The following STMP1 variants were observed in gnomAD, a reference collection of about 807,000 sequenced individuals.
STMP1 encodes the protein mitolamban.
A neutral mutation model predicts 7.0 loss-of-function variants in STMP1; 7 were observed. The ratio of observed to expected loss-of-function variants is 1.01; its 90% CI spans 0.57 to 1.89. The LOEUF (loss-of-function observed/expected upper bound fraction) is 1.89. STMP1 is among the 40% of genes most tolerant of loss of function. STMP1 has a pLI of 0.00. For missense variants in STMP1, 45 were observed against 53.0 expected, an observed-to-expected ratio of 0.85 and a Z score of 0.47; for synonymous variants, 19 against 18.4, an observed-to-expected ratio of 1.03 and a Z score of -0.08.
At chr7:135,665,234 GTTGTCATTACACA>G (rs1261573001) in intron 1 of STMP1, among the ~76,000 whole-genome samples, 1 of 152,144 alleles carries the variant, frequency 6.6e-6, no homozygotes, top group African/African-American at 2.4e-5. Flanking sequence ...TAAGCAGTGC[GTTGTCATTACACA>G]TTTTGGAACC....
chr7:135,672,376 C>A (rs1027054346), intron 1 of STMP1, among the ~76,000 whole-genome samples: 12 of 152,320 alleles, frequency 7.9e-5, no homozygotes, highest in African/African-American at 2.6e-4. Context: ...CAGCATGCAA[C>A]AAGAAAAATC....
intron 1 of STMP1, among the ~76,000 whole-genome samples, chr7:135,671,844 C>T (rs1323506499): frequency 6.6e-6 from 1 of 152,168 alleles, no homozygotes; most frequent in Admixed American, 6.5e-5. Context: ...GTAGATTGTC[C>T]TGTCCTCCTT....
chr7:135,673,166 C>A, intron 2 of STMP1: 1 of 255,078 alleles, frequency 3.9e-6, no homozygotes, highest in South Asian at 6.2e-5. Context: ...GCCCCACTAT[C>A]CAGTAGTAGA....
In STMP1 at chr7:135,672,778, T is replaced by C; in HGVS notation, c.41T>C (p.Val14Ala). ...CTTGGATTTACACTGGGCAACGTGG[T>C]TGGAATGTATCTGGCTCAGAACTAT... The part of the protein sequence containing the change: ...FLLGFTLGNV[V>A]GMYLAQNYDI... The change falls in exon 2 of 3, where the codon GTT (valine) becomes GCT (alanine). Residue 14 changes from valine to alanine, a missense_variant. By Grantham distance (64) the Val-to-Ala change is moderately conservative. Transcript: ENST00000507606. 1 of 1,551,688 alleles carries C rather than the reference T, an allele frequency of 6.4e-7. No homozygotes were observed.
chr7:135,664,464 C>T (rs962937020), intron 1 of STMP1, among the ~76,000 whole-genome samples: 14 of 151,576 alleles, frequency 9.2e-5, no homozygotes, highest in Non-Finnish European at 1.8e-4. Flanking sequence ...AGCCTTCCCA[C>T]CTCAGCCTCT....
chr7:135,667,803 A>G (rs1584705860), intron 1 of STMP1, among the ~76,000 whole-genome samples: 1 of 144,292 alleles, frequency 6.9e-6, no homozygotes, highest in African/African-American at 2.5e-5. Context: ...ATGAAGTCCA[A>G]TTTTTTTTTT....
chr7:135,668,575 C>A (rs903573121), intron 1 of STMP1, among the ~76,000 whole-genome samples: 8 of 152,052 alleles, frequency 5.3e-5, no homozygotes, highest in African/African-American at 9.7e-5. Flanking sequence ...GCTAGTTTTG[C>A]ATTTTGTTGG....
chr7:135,669,976 A>G (rs139179139), intron 1 of STMP1, among the ~76,000 whole-genome samples: 13 of 152,270 alleles, frequency 8.5e-5, no homozygotes, highest in Middle Eastern at 3.4e-3. Context: ...AGAGCTGACA[A>G]TGCGATTCTT....
chr7:135,668,297 A>G (rs73721676), intron 1 of STMP1, among the ~76,000 whole-genome samples: 9,541 of 152,052 alleles, frequency 0.063, 491 homozygotes, highest in African/African-American at 0.13. Context: ...TCATCATCTA[A>G]TAGGTCCTTG....
At chr7:135,674,020 T>C (rs1008611271) in intron 2 of STMP1, 71 bp from the exon 3 acceptor site, 22 of 932,152 alleles carry the variant, frequency 2.4e-5, no homozygotes, top group Admixed American at 7.7e-5. Flanking sequence ...CATTTATCTT[T>C]GGAGGAAGAG....
Position 135,674,877 on chromosome 7 carries a change from C to T in STMP1, c.*712C>T, listed in dbSNP as rs1188731533. The stretch of plus-strand genomic sequence containing the variant: ...TGACTTTTTTCCTTCTCAAAAGAAT[C>T]ATACTTGGGATTACAGGTACATTTG... On this transcript the variant is annotated 3_prime_UTR_variant, in exon 3 of 3. Transcript: ENST00000507606. The T allele has an allele frequency of 1.3e-5, 2 of 152,064 alleles. No individual in the cohort carries two copies. Among genetic ancestry groups the T allele is most frequent in the African/African-American group, 4.8e-5 (2 of 41,390 alleles). The allele number at this position is 152,064 out of a possible 1,614,324, so 9.4% of individuals were successfully genotyped here. A position where few individuals can be genotyped will look rare whatever the true frequency, so the allele number is the denominator to read the frequency against.
chr7:135,672,577 C>T (rs1795367918), intron 1 of STMP1, among the ~76,000 whole-genome samples, 176 bp from the exon 2 acceptor site: 2 of 152,110 alleles, frequency 1.3e-5, no homozygotes, highest in South Asian at 4.1e-4. Flanking sequence ...GAGGGCATCT[C>T]TGTGTTTATA....
At chr7:135,672,640 T>C in intron 1 of STMP1, 113 bp from the exon 2 acceptor site, 1 of 759,584 alleles carries the variant, frequency 1.3e-6, no homozygotes, top group Non-Finnish European at 2.2e-6. Flanking sequence ...GACATCAAGG[T>C]CTTCTAACTG....
At chr7:135,666,142 A>C (rs750520249) in intron 1 of STMP1, among the ~76,000 whole-genome samples, 2 of 152,102 alleles carry the variant, frequency 1.3e-5, no homozygotes, top group African/African-American at 2.4e-5. Flanking sequence ...CACGTTGGCC[A>C]GCCTGGTCTT....
intron 2 of STMP1, 128 bp downstream of exon 2, chr7:135,672,934 ATTG>A: frequency 1.4e-6 from 1 of 729,718 alleles, no homozygotes. Flanking sequence ...ACTCCTGAAT[ATTG>A]TAGAATGGTT....
intron 2 of STMP1, 82 bp downstream of exon 2, chr7:135,672,888 T>C: frequency 8.6e-7 from 1 of 1,156,266 alleles, no homozygotes; most frequent in Non-Finnish European, 1.3e-6. Flanking sequence ...AAGGTGTGAC[T>C]TCCAGCATAA....
intron 1 of STMP1, 122 bp downstream of exon 1, chr7:135,662,716 C>T: frequency 1.7e-6 from 2 of 1,180,718 alleles, no homozygotes; most frequent in Non-Finnish European, 1.2e-6. Context: ...GTCCCTTCGT[C>T]CCCCGCGCCT....
chr7:135,662,689 T>TGGGC, intron 1 of STMP1, 95 bp downstream of exon 1: 1 of 1,430,426 alleles, frequency 7.0e-7, no homozygotes, highest in South Asian at 1.3e-5. Flanking sequence ...CGACCCGGCC[T>TGGGC]GGGCGTGGGT....
At position 135,672,800 on chromosome 7, in the gene STMP1, C is replaced by G. The variant is rs1795370874; in HGVS notation, c.63C>G (p.Asn21Lys). The G allele has an allele frequency of 1.3e-6, 2 of 1,551,226 alleles. No individual in the cohort carries two copies. Among genetic ancestry groups the G allele is most frequent in the Non-Finnish European group, 1.7e-6 (2 of 1,146,704 alleles). Residue 21 changes from asparagine to lysine, a missense_variant, in exon 2 of 3, where the codon AAC becomes AAG. By Grantham distance (94) the Asn-to-Lys change is moderately conservative. Transcript: ENST00000507606. ...GNVVGMYLAQ[N>K]YDIPNLAKKL... ...TGGTTGGAATGTATCTGGCTCAGAACTATGATGTAAGTGGCCATATCCATG... is the reference window on the plus strand; with the variant it reads ...TGGTTGGAATGTATCTGGCTCAGAAGTATGATGTAAGTGGCCATATCCATG...
Sources: allele counts gnomAD v4.1 joint callset (sites outside exome capture counted in the v4.1 genomes callset), GRCh38; gene constraint gnomAD v4.1.1; transcripts MANE v1.5; gene names NCBI Gene and HGNC (gene_info 2026-07-23, HGNC 2026-07-21).